Variants in FRMD4A observed in about 807,000 individuals in gnomAD.
FRMD4A encodes FERM domain-containing protein 4A.
In FRMD4A, 29 loss-of-function variants were observed where a neutral mutation model predicts 129.1. That is an observed-to-expected ratio of 0.22 (90% CI 0.17 to 0.31). FRMD4A has a LOEUF of 0.31. Among genes scored for constraint, FRMD4A ranks in the 10% least tolerant of loss-of-function variants. The pLI, the probability that FRMD4A is intolerant of heterozygous loss-of-function variation, is 1.00. For synonymous variants in FRMD4A, 634 were observed against 571.6 expected (o/e 1.11, Z -1.56); for missense variants, 1,272 against 1,375.8 (o/e 0.92, Z 1.19).
chr10:14,000,047 C>G (rs1214529758), intron 2 of FRMD4A, among the ~76,000 whole-genome samples: 1 of 152,116 alleles, frequency 6.6e-6, no homozygotes, highest in East Asian at 1.9e-4. Flanking sequence ...AAAAACTGAC[C>G]AAGTCCTTTG....
intron 2 of FRMD4A, among the ~76,000 whole-genome samples, chr10:14,025,731 GTC>G (rs1370246315): frequency 6.6e-6 from 1 of 152,108 alleles, no homozygotes; most frequent in Non-Finnish European, 1.5e-5. Flanking sequence ...TCTACTTAGT[GTC>G]TCTATCAATT....
intron 2 of FRMD4A, among the ~76,000 whole-genome samples, chr10:13,957,503 C>T (rs1208396922): frequency 1.3e-5 from 2 of 152,294 alleles, no homozygotes; most frequent in Non-Finnish European, 1.5e-5. Context: ...GATCCACCCG[C>T]CTCAGCCTCC....
chr10:14,057,362 G>GTC (rs1479365878), intron 2 of FRMD4A, among the ~76,000 whole-genome samples: 1 of 152,072 alleles, frequency 6.6e-6, no homozygotes, highest in Non-Finnish European at 1.5e-5. Context: ...TTCACACATC[G>GTC]TCTTTACCCT....
At chr10:13,958,755 T>A (rs940321588) in intron 2 of FRMD4A, among the ~76,000 whole-genome samples, 2 of 152,002 alleles carry the variant, frequency 1.3e-5, no homozygotes, top group Admixed American at 6.6e-5. Flanking sequence ...CTGGCTAATT[T>A]TATATTTTTA....
intron 19 of FRMD4A, 34 bp from the exon 20 acceptor site, chr10:13,660,587 C>CG: frequency 7.4e-7 from 1 of 1,350,330 alleles, no homozygotes; most frequent in East Asian, 2.3e-5. Context: ...AACTGAGCCC[C>CG]GGTCATCCTT....
intron 14 of FRMD4A, among the ~76,000 whole-genome samples, chr10:13,697,535 A>T (rs1373351506): frequency 6.6e-6 from 1 of 152,046 alleles, no homozygotes; most frequent in African/African-American, 2.4e-5. Flanking sequence ...TGTCGGGGAG[A>T]GTCTCTCTTT....
chr10:14,086,855 G>A (rs962970534), intron 2 of FRMD4A, among the ~76,000 whole-genome samples: 6 of 152,154 alleles, frequency 3.9e-5, no homozygotes, highest in Non-Finnish European at 8.8e-5. Flanking sequence ...CTAACAGCAG[G>A]GAGTTGGAGA....
intron 2 of FRMD4A, among the ~76,000 whole-genome samples, chr10:13,969,304 C>G (rs116349896): frequency 0.01 from 1,527 of 152,352 alleles, 27 homozygotes; most frequent in African/African-American, 0.035. Context: ...CCTGGCTTGG[C>G]CAGAGACCAC....
chr10:14,027,626 C>G (rs905469603), intron 2 of FRMD4A, among the ~76,000 whole-genome samples: 2 of 152,142 alleles, frequency 1.3e-5, no homozygotes, highest in Non-Finnish European at 2.9e-5. Flanking sequence ...CAAACAAAAA[C>G]AAAAACAAAA....
chr10:13,644,249 A>G lies in FRMD4A; in HGVS notation c.*2789T>C, dbSNP rs1240525500. Reference sequence around the variant, plus strand: ...CTTTTACGCATCCGAAGAATCCAATAGGGGCTTTATATCAGACCAAGGACT... The same window carrying G: ...CTTTTACGCATCCGAAGAATCCAATGGGGGCTTTATATCAGACCAAGGACT... On this transcript the variant is annotated 3_prime_UTR_variant, in exon 25 of 25. Coordinates refer to ENST00000357447, the MANE Select transcript of FRMD4A (RefSeq NM_018027.5). 1 of 152,260 alleles carries G rather than the reference A, an allele frequency of 6.6e-6. No homozygotes were observed. Among genetic ancestry groups the G allele is most frequent in the African/African-American group, 2.4e-5 (1 of 41,472 alleles). 9.4% of individuals were successfully genotyped at this position (152,260 alleles called of 1,614,324 possible).
intron 2 of FRMD4A, among the ~76,000 whole-genome samples, chr10:14,244,287 C>G (rs952931471): frequency 9.2e-5 from 14 of 152,322 alleles, no homozygotes; most frequent in Non-Finnish European, 1.5e-4. Context: ...ACTTCCACCC[C>G]CTTCCAGGCG....
At chr10:14,318,428 A>G (rs1589305970) in intron 2 of FRMD4A, among the ~76,000 whole-genome samples, 2 of 151,808 alleles carry the variant, frequency 1.3e-5, no homozygotes, top group South Asian at 4.2e-4. Context: ...TTGCCTTTTC[A>G]GCTCCCAATC....
At chr10:14,165,996 C>T (rs1841155657) in intron 2 of FRMD4A, among the ~76,000 whole-genome samples, 1 of 151,946 alleles carries the variant, frequency 6.6e-6, no homozygotes, top group African/African-American at 2.4e-5. Flanking sequence ...CATGTGCCCC[C>T]TGAATCTGAA....
intron 2 of FRMD4A, among the ~76,000 whole-genome samples, chr10:13,868,318 T>C (rs1164581892): frequency 1.3e-5 from 2 of 152,152 alleles, no homozygotes; most frequent in African/African-American, 2.4e-5. Flanking sequence ...CTGGTTTATC[T>C]CAAGCTTACT....
At chr10:13,683,712 GTT>G (rs5783340) in intron 15 of FRMD4A, among the ~76,000 whole-genome samples, 1 of 147,812 alleles carries the variant, frequency 6.8e-6, no homozygotes, top group Admixed American at 6.7e-5. Flanking sequence ...GTCACATCCA[GTT>G]TTTTTTTTTT....
intron 21 of FRMD4A, 138 bp from the exon 22 acceptor site, chr10:13,657,660 C>T: frequency 7.9e-7 from 1 of 1,265,486 alleles, no homozygotes; most frequent in Non-Finnish European, 1.0e-6. Flanking sequence ...GCCAGAGTCT[C>T]ACTCAGCAGG....
At chr10:14,317,033 T>C (rs926620530) in intron 2 of FRMD4A, among the ~76,000 whole-genome samples, 6 of 152,232 alleles carry the variant, frequency 3.9e-5, no homozygotes, top group African/African-American at 1.4e-4. Flanking sequence ...CTCAATTGTA[T>C]GACTTTAATA....
intron 15 of FRMD4A, among the ~76,000 whole-genome samples, chr10:13,679,925 C>T (rs1423082861): frequency 1.3e-5 from 2 of 152,078 alleles, no homozygotes; most frequent in Non-Finnish European, 2.9e-5. Context: ...GGAGAGGGAG[C>T]CCAAAATGCC....
intron 3 of FRMD4A, among the ~76,000 whole-genome samples, chr10:13,834,583 G>A (rs2093843811): frequency 6.6e-6 from 1 of 152,164 alleles, no homozygotes; most frequent in Non-Finnish European, 1.5e-5. Context: ...ACGTTAGAAA[G>A]AAAACTTTTG....
Sources: allele counts gnomAD v4.1 joint callset (sites outside exome capture counted in the v4.1 genomes callset), GRCh38; gene constraint gnomAD v4.1.1; transcripts MANE v1.5; gene names NCBI Gene and HGNC (gene_info 2026-07-23, HGNC 2026-07-21).